Variants in DIPK1A observed in about 807,000 individuals in gnomAD.
The protein encoded by DIPK1A is family with sequence similarity 69 member A.
DIPK1A carries 27 observed loss-of-function variants against 40.8 expected under a neutral mutation model. The ratio of observed to expected loss-of-function variants is 0.66; its 90% CI spans 0.49 to 0.91. DIPK1A has a LOEUF of 0.91. Ranked by LOEUF, DIPK1A falls within the 40% of genes least tolerant of loss-of-function variation. The probability of loss-of-function intolerance (pLI) is 0.00; values close to 1 mark genes in which losing one functional copy is unlikely to be tolerated. For missense variants in DIPK1A, 412 were observed against 505.7 expected (o/e 0.81, Z 1.78); for synonymous variants, 166 against 171.3 (o/e 0.97, Z 0.24).
intron 1 of DIPK1A, among the ~76,000 whole-genome samples, chr1:92,945,498 T>C (rs1215849772): frequency 6.6e-6 from 1 of 152,160 alleles, no homozygotes; most frequent in East Asian, 1.9e-4. Context: ...GAGTTGGCTC[T>C]GCACTAAATA....
intron 1 of DIPK1A, among the ~76,000 whole-genome samples, chr1:92,925,361 T>C (rs1650448602): frequency 6.6e-6 from 1 of 152,374 alleles, no homozygotes; most frequent in Non-Finnish European, 1.5e-5. Context: ...GATTTTACAG[T>C]GTCTTTCACA....
intron 1 of DIPK1A, chr1:92,932,729 A>G (rs1650801726): frequency 6.6e-6 from 1 of 152,204 alleles, no homozygotes; most frequent in Non-Finnish European, 1.5e-5. Flanking sequence ...TGGAATTCCA[A>G]CTACATAATA....
At chr1:92,877,209 C>G (rs1648171593) in intron 1 of DIPK1A, 7 of 781,528 alleles carry the variant, frequency 9.0e-6, no homozygotes, top group Admixed American at 6.2e-5. Context: ...TGCCTTTTTT[C>G]CATCAATTAC....
Position 92,959,902 on chromosome 1 carries a change from A to ATTTTTTTTTTTTTTTTTTTTTTTTTT in DIPK1A, c.54+1473_54+1474insAAAAAAAAAAAAAAAAAAAAAAAAAA, listed in dbSNP as rs1557502636. On this transcript the variant is annotated intron_variant, in intron 1 of 4. Transcript: ENST00000370310. ...AGCTGGGACCACAGGCACCCAACCAACTTTTTTTTTTTTTTTTTTTTTTTT... is the reference window on the plus strand; with the variant it reads ...AGCTGGGACCACAGGCACCCAACCAATTTTTTTTTTTTTTTTTTTTTTTTTTCTTTTTTTTTTTTTTTTTTTTTTTT... Among the ~76,000 whole-genome samples the ATTTTTTTTTTTTTTTTTTTTTTTTTT allele has an allele frequency of 3.5e-3, 149 of 43,096 alleles. 16 individuals are homozygous for ATTTTTTTTTTTTTTTTTTTTTTTTTT. The highest frequency in any genetic ancestry group is 5.3e-3 in the Admixed American group (20 of 3,748). 28.3% of individuals were successfully genotyped at this position (43,096 alleles called of 152,430 possible). A position where few individuals can be genotyped will look rare whatever the true frequency, so the allele number is the denominator to read the frequency against.
intron 2 of DIPK1A, among the ~76,000 whole-genome samples, chr1:92,856,069 C>T (rs970114102): frequency 5.3e-5 from 8 of 151,666 alleles, no homozygotes; most frequent in African/African-American, 1.9e-4. Flanking sequence ...AGAGTGAGAC[C>T]CTGTCTCAAA....
At chr1:92,889,331 G>T (rs1448914008) in intron 1 of DIPK1A, among the ~76,000 whole-genome samples, 2 of 152,062 alleles carry the variant, frequency 1.3e-5, no homozygotes, top group Non-Finnish European at 2.9e-5. Context: ...TCTGGGTTCT[G>T]GGTTCTGTAC....
downstream of DIPK1A, chr1:92,840,757 AGCGAAGGGAACCAGGTTT>A: frequency 1.2e-6 from 1 of 817,226 alleles, no homozygotes; most frequent in Non-Finnish European, 2.1e-6. Context: ...ATGTGGCAGA[AGCGAAGGGAACCAGGTTT>A]GCAAAAGTAA....
At chr1:92,863,506 G>A (rs1647374892) in intron 2 of DIPK1A, among the ~76,000 whole-genome samples, 1 of 136,230 alleles carries the variant, frequency 7.3e-6, no homozygotes, top group South Asian at 2.4e-4. Context: ...CTGAGGTGGG[G>A]GAAATCAATT....
intron 1 of DIPK1A, among the ~76,000 whole-genome samples, chr1:92,913,685 G>A (rs577802287): frequency 6.6e-6 from 1 of 152,290 alleles, no homozygotes; most frequent in Admixed American, 6.5e-5. Context: ...TATATGATAC[G>A]TTATGTGCCT....
chr1:92,857,004 T>A (rs150834301), intron 2 of DIPK1A, among the ~76,000 whole-genome samples: 1 of 152,282 alleles, frequency 6.6e-6, no homozygotes, highest in African/African-American at 2.4e-5. Context: ...CATATCAACA[T>A]AATGTGAAAT....
chr1:92,856,639 AC>A (rs1347470319), intron 2 of DIPK1A, among the ~76,000 whole-genome samples: 5 of 152,166 alleles, frequency 3.3e-5, no homozygotes, highest in Admixed American at 2.6e-4. Context: ...CTGGGCTCGA[AC>A]TTTTGACCTC....
downstream of DIPK1A, chr1:92,837,304 C>G (rs150274458): frequency 1.7e-4 from 132 of 786,108 alleles, 2 homozygotes; most frequent in East Asian, 3.1e-3. Context: ...ATGATGATAT[C>G]CCACTAACTG....
intron 2 of DIPK1A, 102 bp from the exon 3 acceptor site, chr1:92,851,057 G>C: frequency 1.4e-6 from 1 of 739,006 alleles, no homozygotes; most frequent in Admixed American, 2.9e-5. Context: ...ATGACAAAAA[G>C]AACTGAGGCT....
chr1:92,922,601 C>A (rs1486559174), intron 1 of DIPK1A, among the ~76,000 whole-genome samples: 1 of 152,118 alleles, frequency 6.6e-6, no homozygotes, highest in Non-Finnish European at 1.5e-5. Context: ...CTCGGGAGGG[C>A]CCTATACTTG....
downstream of DIPK1A, chr1:92,840,798 A>C (rs541068965): frequency 5.7e-5 from 42 of 738,430 alleles, no homozygotes; most frequent in Admixed American, 7.2e-4. Context: ...GTGGTGATGG[A>C]AATGTGTTAG....
At chr1:92,887,173 T>C (rs537205819) in intron 1 of DIPK1A, among the ~76,000 whole-genome samples, 26 of 150,572 alleles carry the variant, frequency 1.7e-4, no homozygotes, top group African/African-American at 6.4e-4. Flanking sequence ...ATTCCAGCAC[T>C]TTAGGAGGCC....
chr1:92,897,836 C>CA (rs151259432), intron 1 of DIPK1A, among the ~76,000 whole-genome samples: 2,093 of 149,024 alleles, frequency 0.014, 54 homozygotes, highest in African/African-American at 0.049. Flanking sequence ...TGTATAAAAA[C>CA]AAAAAAAAGG....
Position 92,844,109 on chromosome 1 carries a change from G to C in DIPK1A, c.561C>G (p.Ser187=). Residue 187 remains serine (S), a synonymous_variant, in exon 5 of 5, where the codon TCC becomes TCG. Coordinates refer to ENST00000370310, the MANE Select transcript of DIPK1A (RefSeq NM_001006605.5). ...VADGDKDGQV[S]LGEAKSAWAL... ...CCCATGCCGACTTTGCTTCTCCCAA[G>C]GAAACCTGGCCATCTTTGTCTCCAT... The C allele has an allele frequency of 6.4e-7, 1 of 1,551,738 alleles. No individual in the cohort carries two copies. The highest frequency in any genetic ancestry group is 8.7e-7 in the Non-Finnish European group (1 of 1,147,016).
chr1:92,840,129 C>T (rs1004449036), downstream of DIPK1A: 11 of 224,574 alleles, frequency 4.9e-5, no homozygotes, highest in Admixed American at 1.6e-4. Flanking sequence ...ACGTGTAGTC[C>T]TGTAGCTGGG....
Sources: gnomAD v4.1 joint callset for allele counts (sites outside exome capture counted in the v4.1 genomes callset) on GRCh38, gnomAD v4.1.1 for gene constraint, MANE v1.5 for transcripts, NCBI Gene and HGNC (gene_info 2026-07-23, HGNC 2026-07-21) for gene names.